SKIC3: variants seen among roughly 807,000 people sequenced by gnomAD.
The protein encoded by SKIC3 is SKI3 subunit of superkiller complex, also known as superkiller complex protein 3.
the SKIC3 span, among the ~76,000 whole-genome samples, chr5:95,486,804 C>T: frequency 4.9e-4 from 75 of 152,184 alleles, no homozygotes; most frequent in African/African-American, 1.8e-3. Context: ...GCAGCCACCA[C>T]CAATGCCAGT....
the SKIC3 span, among the ~76,000 whole-genome samples, chr5:95,511,271 G>A: frequency 1.4e-4 from 22 of 152,152 alleles, no homozygotes; most frequent in Non-Finnish European, 2.1e-4. Flanking sequence ...TTAGCCGGGC[G>A]TGGTGGCACA....
At chr5:95,523,707 T>C in the SKIC3 span, 1 of 1,613,614 alleles carries the variant, frequency 6.2e-7, no homozygotes, top group East Asian at 2.2e-5. Flanking sequence ...AGATTCAGCA[T>C]CAGTGTCATC....
chr5:95,481,385 C>A, the SKIC3 span, among the ~76,000 whole-genome samples: 1 of 152,088 alleles, frequency 6.6e-6, no homozygotes, highest in Non-Finnish European at 1.5e-5. Context: ...GTGAGACACG[C>A]CTTCCTCCTT....
the SKIC3 span, among the ~76,000 whole-genome samples, chr5:95,531,320 G>C: frequency 2.0e-5 from 3 of 152,128 alleles, no homozygotes; most frequent in Non-Finnish European, 4.4e-5. Flanking sequence ...TGGCTAAAGA[G>C]TTAAAACTTC....
chr5:95,531,439 C>T, the SKIC3 span, among the ~76,000 whole-genome samples: 3 of 152,178 alleles, frequency 2.0e-5, no homozygotes, highest in South Asian at 2.1e-4. Context: ...GCATGAACTT[C>T]CTTGTCAATA....
At chr5:95,503,987 G>GT in the SKIC3 span, 2 of 1,584,922 alleles carry the variant, frequency 1.3e-6, no homozygotes, top group South Asian at 2.2e-5. Flanking sequence ...TAATTCTGGT[G>GT]TGTATCATCA....
At chr5:95,504,043 T>C in the SKIC3 span, 22 of 1,033,790 alleles carry the variant, frequency 2.1e-5, no homozygotes, top group Non-Finnish European at 2.5e-5. Context: ...ACGCGGTGGC[T>C]CACATCTGTA....
chr5:95,487,006 AAG>A, the SKIC3 span, among the ~76,000 whole-genome samples: 1 of 152,178 alleles, frequency 6.6e-6, no homozygotes, highest in Non-Finnish European at 1.5e-5. Context: ...GTGTTGCCAA[AAG>A]AGAATAACAT....
the SKIC3 span, among the ~76,000 whole-genome samples, chr5:95,504,204 C>G: frequency 2.0e-5 from 3 of 151,974 alleles, no homozygotes; most frequent in East Asian, 1.9e-4. Flanking sequence ...GACGTGGTGG[C>G]ACATGCCAAT....
chr5:95,539,155 T>A, the SKIC3 span, among the ~76,000 whole-genome samples: 1 of 152,176 alleles, frequency 6.6e-6, no homozygotes. Context: ...AATCCTTTTT[T>A]TTTGAGCATC....
the SKIC3 span, chr5:95,524,567 A>G: frequency 6.2e-7 from 1 of 1,613,638 alleles, no homozygotes; most frequent in South Asian, 1.1e-5. Context: ...CAACTTCGGT[A>G]TCTTTCTCAA....
the SKIC3 span, among the ~76,000 whole-genome samples, chr5:95,524,195 T>C: frequency 6.6e-6 from 1 of 152,172 alleles, no homozygotes. Context: ...CTCATAAAAC[T>C]ACAGTGAAAA....
At chr5:95,469,756 GA>G in the SKIC3 span, 4 of 1,613,252 alleles carry the variant, frequency 2.5e-6, no homozygotes, top group Non-Finnish European at 3.4e-6. Context: ...GCATTTATAA[GA>G]AAAAGATGAA....
the SKIC3 span, chr5:95,495,014 C>A: frequency 6.2e-7 from 1 of 1,613,540 alleles, no homozygotes; most frequent in Non-Finnish European, 8.5e-7. Context: ...GCTACAACAC[C>A]TCCCTAGAAC....
the SKIC3 span, chr5:95,469,814 C>T: frequency 1.9e-6 from 3 of 1,613,952 alleles, no homozygotes; most frequent in Non-Finnish European, 2.5e-6. Context: ...TGTAACAAAG[C>T]TTGTAAAAGA....
At chr5:95,510,816 A>G in the SKIC3 span, among the ~76,000 whole-genome samples, 5 of 152,140 alleles carry the variant, frequency 3.3e-5, no homozygotes, top group African/African-American at 1.2e-4. Flanking sequence ...TTCTATTGCA[A>G]TTCCCCTGTC....
At chr5:95,523,876 A>T in the SKIC3 span, 1 of 1,539,588 alleles carries the variant, frequency 6.5e-7, no homozygotes, top group Non-Finnish European at 9.0e-7. Context: ...TTAAAAGTTC[A>T]TTTAATGAGT....
chr5:95,522,129 C>T, the SKIC3 span: 1 of 1,613,750 alleles, frequency 6.2e-7, no homozygotes, highest in Admixed American at 1.7e-5. Flanking sequence ...TTATATTTGC[C>T]TAGGATTTGC....
chr5:95,517,613 C>T, the SKIC3 span, among the ~76,000 whole-genome samples: 1 of 152,018 alleles, frequency 6.6e-6, no homozygotes, highest in Admixed American at 6.6e-5. Flanking sequence ...ATAAGTTTTC[C>T]AGGACCAATT....
Sources: allele counts gnomAD v4.1 joint callset (sites outside exome capture counted in the v4.1 genomes callset), GRCh38; gene constraint gnomAD v4.1.1; transcripts MANE v1.5; gene names NCBI Gene and HGNC (gene_info 2026-07-23, HGNC 2026-07-21).